Variants in FRS2 observed in about 807,000 individuals in gnomAD.
FRS2 encodes FGFR signalling adaptor.
A neutral mutation model predicts 43.9 loss-of-function variants in FRS2; 8 were observed. That is an observed-to-expected ratio of 0.18 (90% CI 0.11 to 0.33). The LOEUF is 0.33. FRS2 is among the 10% of genes least tolerant of loss of function. The pLI, the probability that FRS2 is intolerant of heterozygous loss-of-function variation, is 1.00. For missense variants in FRS2, 534 were observed against 627.6 expected (o/e 0.85, Z 1.59); for synonymous variants, 219 against 220.3 (o/e 0.99, Z 0.05).
Position 69,574,233 on chromosome 12 carries a change from G to A in FRS2, c.805G>A (p.Glu269Lys). The change falls in exon 9 of 9, where the codon GAG becomes AAG. Residue 269 changes from glutamate to lysine, a missense_variant. This residue lies in a region of FRS2 where 446 missense variants were observed against 494.2 expected (regional missense o/e 0.90). Coordinates refer to ENST00000549921, the MANE Select transcript of FRS2 (RefSeq NM_001278356.2). Reference sequence around the variant, plus strand: ...GCAGTTAATGGAAAAAGAGAAACTGGAGCAACTTGGAAGAGATCAAGTTAG... The same window carrying A: ...GCAGTTAATGGAAAAAGAGAAACTGAAGCAACTTGGAAGAGATCAAGTTAG... ...QKQLMEKEKLEQLGRDQVSGS... is the reference protein window; with the variant it reads ...QKQLMEKEKLKQLGRDQVSGS... 6.2e-7 allele frequency: 1 copy of A among 1,614,138 alleles called. No homozygotes were observed. The highest frequency in any genetic ancestry group is 8.5e-7 in the Non-Finnish European group (1 of 1,179,972).
At chr12:69,511,039 A>G (rs1874405139) in intron 1 of FRS2, among the ~76,000 whole-genome samples, 1 of 152,206 alleles carries the variant, frequency 6.6e-6, no homozygotes, top group South Asian at 2.1e-4. Context: ...TATTCTTTAA[A>G]TATACTATAA....
At chr12:69,514,869 C>A (rs2135586119) in intron 1 of FRS2, among the ~76,000 whole-genome samples, 1 of 151,422 alleles carries the variant, frequency 6.6e-6, no homozygotes, top group Non-Finnish European at 1.5e-5. Flanking sequence ...TCAAGAACTC[C>A]AAGCTGTAGA....
At chr12:69,476,252 TATAAC>T (rs1219883490) in intron 1 of FRS2, among the ~76,000 whole-genome samples, 3 of 152,336 alleles carry the variant, frequency 2.0e-5, no homozygotes, top group Admixed American at 1.3e-4. Context: ...AGTCAATACT[TATAAC>T]ATATTTCAAG....
chr12:69,538,197 T>TTATATATATATATATA (rs151295024), intron 3 of FRS2, among the ~76,000 whole-genome samples: 1,544 of 81,214 alleles, frequency 0.019, 55 homozygotes, highest in African/African-American at 0.034. Context: ...AAAACAAATT[T>TTATATATATATATATA]TATATATATA....
chr12:69,507,138 G>T (rs1874013510), intron 1 of FRS2, among the ~76,000 whole-genome samples: 1 of 152,088 alleles, frequency 6.6e-6, no homozygotes, highest in African/African-American at 2.4e-5. Flanking sequence ...CTCAGTTTTA[G>T]GTATTCTGTA....
At chr12:69,551,957 C>T (rs985383247) in intron 3 of FRS2, among the ~76,000 whole-genome samples, 1 of 151,836 alleles carries the variant, frequency 6.6e-6, no homozygotes, top group South Asian at 2.1e-4. Context: ...TGGCATATTA[C>T]AGTTAAATTG....
chr12:69,573,474 T>A (rs1593077384), intron 8 of FRS2, among the ~76,000 whole-genome samples: 1 of 152,050 alleles, frequency 6.6e-6, no homozygotes, highest in East Asian at 1.9e-4. Context: ...TTTTATTTTA[T>A]TTTTTGAGAT....
At chr12:69,532,621 C>T (rs1187118193) in intron 3 of FRS2, among the ~76,000 whole-genome samples, 1 of 152,172 alleles carries the variant, frequency 6.6e-6, no homozygotes, top group African/African-American at 2.4e-5. Context: ...CCTAAAGGTC[C>T]CGTCTCTTAA....
At chr12:69,491,430 A>T (rs745738326) in intron 1 of FRS2, 4 of 151,636 alleles carry the variant, frequency 2.6e-5, no homozygotes, top group Non-Finnish European at 5.9e-5. Context: ...TATAGTATCC[A>T]TCAAACGGAA....
intron 1 of FRS2, among the ~76,000 whole-genome samples, chr12:69,522,190 TTGTGTGTGTGTGTGTGTGTGTGTG>T (rs201103216): frequency 5.7e-4 from 77 of 134,822 alleles, no homozygotes; most frequent in Non-Finnish European, 9.9e-4. Context: ...GAAGTTTTCT[TTGTGTGTGTGTGTGTGTGTGTGTG>T]TGTGTGTGTG....
chr12:69,478,305 G>A (rs1398920848), intron 1 of FRS2, among the ~76,000 whole-genome samples: 1 of 152,050 alleles, frequency 6.6e-6, no homozygotes, highest in African/African-American at 2.4e-5. Flanking sequence ...TGAAATGATG[G>A]AAATGTTCTA....
At chr12:69,552,270 C>T (rs1490023542) in intron 3 of FRS2, among the ~76,000 whole-genome samples, 3 of 126,730 alleles carry the variant, frequency 2.4e-5, no homozygotes, top group Non-Finnish European at 4.7e-5. Context: ...CCATTGCATT[C>T]CAGCCTGGGC....
rs1412171958 is a variant in FRS2 at position 69,575,804 on chromosome 12, T to TC, written c.*849_*850insC. On this transcript the variant is annotated 3_prime_UTR_variant, in exon 9 of 9. Transcript: ENST00000549921. ...CATTAGGTTTCCATTTATCTTCAGT[T>TC]TTTTTCTTTGGTGTTTGGGATGTCT... is the stretch of plus-strand genomic sequence containing the variant. 15 of 152,768 alleles carry TC rather than the reference T, an allele frequency of 9.8e-5. No individual in the cohort carries two copies. The highest frequency in any genetic ancestry group is 3.4e-3 in the Middle Eastern group (1 of 292). 9.5% of individuals were successfully genotyped at this position (152,768 alleles called of 1,614,324 possible). A position where few individuals can be genotyped will look rare whatever the true frequency, so the allele number is the denominator to read the frequency against.
At position 69,574,196 on chromosome 12, in the gene FRS2, C is replaced by T; in HGVS notation, c.768C>T (p.Thr256=). Residue 256 remains threonine, a synonymous_variant, in exon 9 of 9, where the codon ACC becomes ACT. Coordinates refer to ENST00000549921, the MANE Select transcript of FRS2 (RefSeq NM_001278356.2). ...GAGTCAAATTTGTTTTAGGGCCAAC[C>T]CCTGTTCAAAAGCAGTTAATGGAAA... ...PEGVKFVLGP[T]PVQKQLMEKE... is the part of the protein sequence containing the mutation. The T allele has an allele frequency of 6.2e-7, 1 of 1,614,132 alleles. No homozygotes were observed. Among genetic ancestry groups the T allele is most frequent in the Non-Finnish European group, 8.5e-7 (1 of 1,180,024 alleles).
intron 3 of FRS2, among the ~76,000 whole-genome samples, chr12:69,552,964 A>G (rs1593041382): frequency 6.6e-6 from 1 of 152,316 alleles, no homozygotes; most frequent in African/African-American, 2.4e-5. Context: ...GACTTACTGT[A>G]CTTTGTGCTG....
At chr12:69,572,801 GTTTC>G (rs764528653) in intron 8 of FRS2, among the ~76,000 whole-genome samples, 6 of 152,132 alleles carry the variant, frequency 3.9e-5, no homozygotes, top group Non-Finnish European at 7.4e-5. Context: ...TTTAAAATCA[GTTTC>G]TTTGTGTTCT....
intron 3 of FRS2, among the ~76,000 whole-genome samples, chr12:69,540,122 G>A (rs1458136210): frequency 2.0e-5 from 3 of 151,512 alleles, no homozygotes; most frequent in Admixed American, 6.6e-5. Flanking sequence ...GTGTGGTGGT[G>A]CGCGCCTGTA....
intron 3 of FRS2, among the ~76,000 whole-genome samples, chr12:69,546,695 A>G (rs373377481): frequency 2.6e-5 from 4 of 152,144 alleles, no homozygotes; most frequent in Non-Finnish European, 5.9e-5. Flanking sequence ...CTGGCCAAGG[A>G]TGGCTACTAT....
Position 69,576,154 on chromosome 12 carries a change from T to C in FRS2, c.*1199T>C, listed in dbSNP as rs932718111. 1.3e-5 allele frequency: 2 copies of C among 152,520 alleles called. No homozygotes were observed. The highest frequency in any genetic ancestry group is 4.8e-5 in the African/African-American group (2 of 41,416). The allele number at this position is 152,520 out of a possible 1,614,324, so 9.4% of individuals were successfully genotyped here. A position where few individuals can be genotyped will look rare whatever the true frequency, so the allele number is the denominator to read the frequency against. On this transcript the variant is annotated 3_prime_UTR_variant, in exon 9 of 9. Transcript: ENST00000549921. ...CTCAAGGTGTACCGTGTTGTCTCTG[T>C]GGGCACTCTTCCCCAGCACTTTAGC...
Sources: gnomAD v4.1 joint callset for allele counts (sites outside exome capture counted in the v4.1 genomes callset) on GRCh38, gnomAD v4.1.1 for gene constraint, gnomAD v4.1.1 regional missense constraint, MANE v1.5 for transcripts, NCBI Gene and HGNC (gene_info 2026-07-23, HGNC 2026-07-21) for gene names.